The following SUPT16H variants were observed in gnomAD, a reference collection of about 807,000 sequenced individuals.
SUPT16H encodes SPT16 homolog, facilitates chromatin remodeling subunit.
A neutral mutation model predicts 136.2 loss-of-function variants in SUPT16H; 24 were observed. The ratio of observed to expected loss-of-function variants is 0.18; its 90% CI spans 0.13 to 0.25. The LOEUF (loss-of-function observed/expected upper bound fraction) is 0.25, where lower values mean the gene tolerates loss of function less well. Ranked by LOEUF, SUPT16H falls within the 10% of genes least tolerant of loss-of-function variation. The pLI, the probability that SUPT16H is intolerant of heterozygous loss-of-function variation, is 1.00. For missense variants in SUPT16H, 623 were observed against 1,270.2 expected, an observed-to-expected ratio of 0.49 and a Z score of 7.74; for synonymous variants, 415 against 428.2, an observed-to-expected ratio of 0.97 and a Z score of 0.38.
intron 1 of SUPT16H, among the ~76,000 whole-genome samples, chr14:21,382,074 A>C (rs1004765325): frequency 3.3e-5 from 5 of 152,224 alleles, no homozygotes; most frequent in Non-Finnish European, 2.9e-5. Context: ...ATCTCTGATT[A>C]AGTGTATCAG....
intron 3 of SUPT16H, 69 bp from the exon 4 acceptor site, chr14:21,370,557 C>G (rs1398065024): frequency 9.9e-6 from 15 of 1,509,374 alleles, no homozygotes; most frequent in African/African-American, 1.4e-5. Context: ...TTACCAGTAA[C>G]AGGTAGAATA....
intron 2 of SUPT16H, chr14:21,372,460 A>G (rs1886807535): frequency 3.1e-6 from 1 of 317,932 alleles, no homozygotes; most frequent in Admixed American, 4.9e-5. Flanking sequence ...CAAAGAACTG[A>G]TATTTTACCT....
At chr14:21,383,625 C>A (rs1887094910) in intron 1 of SUPT16H, 2 of 705,752 alleles carry the variant, frequency 2.8e-6, no homozygotes, top group Non-Finnish European at 5.2e-6. Flanking sequence ...CTATGCATGA[C>A]CAAGGCTGGC....
At chr14:21,370,243 C>T in intron 4 of SUPT16H, 93 bp downstream of exon 4, 1 of 1,451,978 alleles carries the variant, frequency 6.9e-7, no homozygotes, top group East Asian at 2.3e-5. Flanking sequence ...ATACAGTTTT[C>T]CCAAAACAAA....
At chr14:21,365,821 G>C (rs1001319973) in intron 8 of SUPT16H, among the ~76,000 whole-genome samples, 1 of 151,926 alleles carries the variant, frequency 6.6e-6, no homozygotes, top group Non-Finnish European at 1.5e-5. Flanking sequence ...ACAAACAAAC[G>C]GCCAGGCACA....
At chr14:21,355,409 CTTG>C (rs1439019929) in intron 22 of SUPT16H, among the ~76,000 whole-genome samples, 13 of 151,044 alleles carry the variant, frequency 8.6e-5, no homozygotes, top group African/African-American at 2.9e-4. Context: ...AGGAGAATCG[CTTG>C]AACCTGGGAG....
chr14:21,367,777 T>C (rs920341423), intron 7 of SUPT16H, among the ~76,000 whole-genome samples: 1 of 152,216 alleles, frequency 6.6e-6, no homozygotes, highest in African/African-American at 2.4e-5. Flanking sequence ...ACCACAATGA[T>C]CACTCATGCT....
chr14:21,377,951 G>C (rs1423608181), intron 1 of SUPT16H, among the ~76,000 whole-genome samples: 1 of 152,122 alleles, frequency 6.6e-6, no homozygotes, highest in Admixed American at 6.6e-5. Flanking sequence ...GAAGTTCTTA[G>C]AGAAAATGTG....
intron 14 of SUPT16H, 46 bp from the exon 15 acceptor site, chr14:21,362,370 A>C (rs1405343335): frequency 6.3e-7 from 1 of 1,581,012 alleles, no homozygotes; most frequent in African/African-American, 1.4e-5. Context: ...TCTTTCCTAG[A>C]GATTAGTAGT....
At chr14:21,382,112 T>C (rs1028863747) in intron 1 of SUPT16H, among the ~76,000 whole-genome samples, 1 of 152,184 alleles carries the variant, frequency 6.6e-6, no homozygotes, top group Non-Finnish European at 1.5e-5. Context: ...GTGAAAAGAC[T>C]GCATACACAA....
chr14:21,371,425 CCT>C (rs1393670692), intron 3 of SUPT16H, among the ~76,000 whole-genome samples: 1 of 152,106 alleles, frequency 6.6e-6, no homozygotes, highest in African/African-American at 2.4e-5. Context: ...ATACAACTAT[CCT>C]TTTTCTTCAG....
At chr14:21,357,807 T>G in intron 21 of SUPT16H, 120 bp downstream of exon 21, 20 of 1,001,752 alleles carry the variant, frequency 2.0e-5, no homozygotes, top group Non-Finnish European at 2.5e-5. Context: ...ATTTGTTCAA[T>G]GAGTTTTAAG....
At chr14:21,366,587 C>T (rs990062193) in intron 7 of SUPT16H, 58 bp from the exon 8 acceptor site, 18 of 1,531,348 alleles carry the variant, frequency 1.2e-5, no homozygotes, top group Non-Finnish European at 1.5e-5. Context: ...AACTCAGTAA[C>T]ATTTTAAAAT....
chr14:21,358,111 C>G, intron 20 of SUPT16H, 109 bp from the exon 21 acceptor site: 2 of 1,023,130 alleles, frequency 2.0e-6, no homozygotes, highest in Admixed American at 2.3e-5. Context: ...AGCATACTCA[C>G]TGGAGACTCA....
chr14:21,353,046 T>G (rs1439522344), intron 25 of SUPT16H, among the ~76,000 whole-genome samples: 2 of 152,222 alleles, frequency 1.3e-5, no homozygotes, highest in Admixed American at 1.3e-4. Flanking sequence ...ACACAGCAGT[T>G]AATATTTATT....
At chr14:21,362,383 C>A in intron 14 of SUPT16H, 59 bp from the exon 15 acceptor site, 1 of 1,540,284 alleles carries the variant, frequency 6.5e-7, no homozygotes. Context: ...TTAGTAGTTA[C>A]AGAGATGTTA....
chr14:21,352,546 C>A lies in SUPT16H; in HGVS notation c.*127G>T. 6.7e-7 allele frequency: 1 copy of A among 1,500,020 alleles called. No homozygotes were observed. Among genetic ancestry groups the A allele is most frequent in the Non-Finnish European group, 9.0e-7 (1 of 1,109,930 alleles). The allele number at this position is 1,500,020 out of a possible 1,614,324, so 92.9% of individuals were successfully genotyped here. On this transcript the variant is annotated 3_prime_UTR_variant, in exon 26 of 26. Coordinates refer to ENST00000216297, the MANE Select transcript of SUPT16H (RefSeq NM_007192.4). ...TAGATTGGTCCACACAAATGGCCCC[C>A]TAAACCCATAAACACAAATGGCAAA...
intron 15 of SUPT16H, 74 bp downstream of exon 15, chr14:21,362,123 C>CA (rs1886569821): frequency 1.3e-6 from 2 of 1,523,160 alleles, no homozygotes; most frequent in Non-Finnish European, 1.8e-6. Flanking sequence ...AAATGTAGCA[C>CA]AGACAATGAA....
In SUPT16H at chr14:21,365,055, G is replaced by T; in HGVS notation, c.1120+15C>A. On this transcript the variant is annotated intron_variant, in intron 9 of 25. Coordinates refer to ENST00000216297, the MANE Select transcript of SUPT16H (RefSeq NM_007192.4). The stretch of plus-strand genomic sequence containing the variant: ...TAACTCACAAAAGCATTTTCCTATT[G>T]TATGTGAAACTTACCTTTCTTCAGT... 7 of 1,612,782 alleles carry T rather than the reference G, an allele frequency of 4.3e-6. No individual in the cohort carries two copies. The highest frequency in any genetic ancestry group is 5.9e-6 in the Non-Finnish European group (7 of 1,179,132).
Sources: gnomAD v4.1 joint callset for allele counts (sites outside exome capture counted in the v4.1 genomes callset) on GRCh38, gnomAD v4.1.1 for gene constraint, MANE v1.5 for transcripts, NCBI Gene and HGNC (gene_info 2026-07-23, HGNC 2026-07-21) for gene names.